THRB: variants seen among roughly 807,000 people sequenced by gnomAD.
THRB encodes the protein thyroid hormone receptor beta, also known as nuclear receptor subfamily 1 group A member 2.
A neutral mutation model predicts 47.8 loss-of-function variants in THRB; 12 were observed. The observed-to-expected ratio is 0.25, with a 90% CI of 0.16 to 0.41. THRB has a LOEUF of 0.41. Ranked by LOEUF, THRB falls within the 10% of genes least tolerant of loss-of-function variation. The probability of loss-of-function intolerance (pLI) is 1.00; values close to 1 mark genes in which losing one functional copy is unlikely to be tolerated. For synonymous variants in THRB, 218 were observed against 212.2 expected (o/e 1.03, Z -0.24); for missense variants, 348 against 589.2 (o/e 0.59, Z 4.24).
rs574814306 is a variant in THRB at position 24,295,307 on chromosome 3, C to T, written c.-43+1919G>A. On this transcript the variant is annotated intron_variant, in intron 3 of 10. Transcript: ENST00000646209. ...CACATGCATGTATACTTCGAAGATG[C>T]AAGAAGGTACATTTTTCTTTGGGGA... is the stretch of plus-strand genomic sequence containing the variant. 3.3e-5 allele frequency among the ~76,000 whole-genome samples: 5 copies of T among 152,294 alleles called. No individual in the cohort carries two copies. The East Asian group carries it at 9.6e-4, about 29-fold the overall frequency.
intron 1 of THRB, among the ~76,000 whole-genome samples, chr3:24,369,193 A>G (rs1212023266): frequency 1.3e-5 from 2 of 152,160 alleles, no homozygotes; most frequent in South Asian, 2.1e-4. Flanking sequence ...ATAAATGCCA[A>G]TGCTGGAAAG....
chr3:24,342,504 G>A (rs558431904), intron 1 of THRB, among the ~76,000 whole-genome samples: 1 of 152,284 alleles, frequency 6.6e-6, no homozygotes, highest in East Asian at 1.9e-4. Flanking sequence ...CACAACTGTT[G>A]TCAGAGATAC....
chr3:24,402,821 T>C (rs1053875973), intron 1 of THRB, among the ~76,000 whole-genome samples: 1 of 151,996 alleles, frequency 6.6e-6, no homozygotes, highest in Non-Finnish European at 1.5e-5. Context: ...TTTTATGAAG[T>C]ATTTGATACG....
intron 2 of THRB, among the ~76,000 whole-genome samples, chr3:24,319,827 G>A (rs1365633486): frequency 1.3e-5 from 2 of 152,206 alleles, no homozygotes; most frequent in Admixed American, 6.5e-5. Context: ...ACCCTTGCTT[G>A]TTCAGGGAAA....
intron 1 of THRB, among the ~76,000 whole-genome samples, chr3:24,480,542 T>A (rs1247983574): frequency 6.6e-6 from 1 of 152,152 alleles, no homozygotes; most frequent in East Asian, 1.9e-4. Context: ...GTCCCTAAAG[T>A]CAAACTTGTA....
intron 4 of THRB, among the ~76,000 whole-genome samples, chr3:24,194,628 A>G (rs568820525): frequency 6.6e-6 from 1 of 152,348 alleles, no homozygotes; most frequent in South Asian, 2.1e-4. Flanking sequence ...GATGACCATC[A>G]TTCTGATGGC....
intron 1 of THRB, among the ~76,000 whole-genome samples, chr3:24,390,800 AT>A (rs2066510485): frequency 4.3e-5 from 6 of 141,048 alleles, no homozygotes; most frequent in Non-Finnish European, 6.1e-5. Context: ...AAAAAAAAAT[AT>A]ATATATATAT....
intron 3 of THRB, among the ~76,000 whole-genome samples, chr3:24,281,701 A>G (rs2054628575): frequency 9.2e-6 from 1 of 108,756 alleles, no homozygotes; most frequent in Non-Finnish European, 2.1e-5. Context: ...TCTCACGTGC[A>G]GAGACACACA....
At position 24,122,842 on chromosome 3, in the gene THRB, C is replaced by A; in HGVS notation, c.*42G>T. 6.2e-7 allele frequency: 1 copy of A among 1,613,936 alleles called. No individual in the cohort carries two copies. The highest frequency in any genetic ancestry group is 8.5e-7 in the Non-Finnish European group (1 of 1,179,862). Reference sequence around the variant, plus strand: ...AGCTAGGCAATGGAATGAAATGACACCCAGTAGTGCTGTAGGAATTATGAG... The same window carrying A: ...AGCTAGGCAATGGAATGAAATGACAACCAGTAGTGCTGTAGGAATTATGAG... On this transcript the variant is annotated 3_prime_UTR_variant, in exon 11 of 11. Coordinates refer to ENST00000646209, the MANE Select transcript of THRB (RefSeq NM_001354712.2).
At chr3:24,225,471 G>C (rs974621389) in intron 4 of THRB, among the ~76,000 whole-genome samples, 1 of 152,176 alleles carries the variant, frequency 6.6e-6, no homozygotes, top group African/African-American at 2.4e-5. Context: ...TAAATTACTG[G>C]AGGCCCAGTT....
chr3:24,465,751 T>G (rs575595978), intron 1 of THRB, among the ~76,000 whole-genome samples: 1 of 152,300 alleles, frequency 6.6e-6, no homozygotes, highest in South Asian at 2.1e-4. Context: ...TGTATGCTAG[T>G]TGATTTCATC....
intron 3 of THRB, among the ~76,000 whole-genome samples, chr3:24,235,433 C>G (rs1354199871): frequency 6.6e-6 from 1 of 152,144 alleles, no homozygotes; most frequent in Non-Finnish European, 1.5e-5. Context: ...CATCATCAAC[C>G]TTTTGTGGCC....
In THRB at chr3:24,233,587, G is replaced by GAAAGAAAGAAAGAAAGAAAAAT. The variant is rs1559684116; in HGVS notation, c.-42-4587_-42-4586insATTTTTCTTTCTTTCTTTCTTT. 9.2e-4 allele frequency among the ~76,000 whole-genome samples: 103 copies of GAAAGAAAGAAAGAAAGAAAAAT among 112,128 alleles called. 1 individual carries two copies. Among genetic ancestry groups the GAAAGAAAGAAAGAAAGAAAAAT allele is most frequent in the African/African-American group, 2.9e-3 (94 of 32,792 alleles). 73.6% of individuals were successfully genotyped at this position (112,128 alleles called of 152,430 possible). A position where few individuals can be genotyped will look rare whatever the true frequency, so the allele number is the denominator to read the frequency against. ...AGAAAGAAAGAAAGAAAGAAAGAAA[G>GAAAGAAAGAAAGAAAGAAAAAT]AAAGAAAGAAAGAAAGAAAGAAAGA... is the stretch of plus-strand genomic sequence containing the variant. On this transcript the variant is annotated intron_variant, in intron 3 of 10. Transcript: ENST00000646209.
chr3:24,426,777 T>C (rs138055904), intron 1 of THRB, among the ~76,000 whole-genome samples: 1 of 151,938 alleles, frequency 6.6e-6, no homozygotes, highest in Admixed American at 6.6e-5. Context: ...ATTAAAAGAA[T>C]CTCTCAGCAT....
At chr3:24,261,050 T>C (rs2051916493) in intron 3 of THRB, among the ~76,000 whole-genome samples, 2 of 115,580 alleles carry the variant, frequency 1.7e-5, no homozygotes, top group Admixed American at 8.5e-5. Flanking sequence ...CCTGGTCCTA[T>C]CTAAGCTCAA....
chr3:24,246,745 G>C (rs2050146643), intron 3 of THRB, among the ~76,000 whole-genome samples: 1 of 152,084 alleles, frequency 6.6e-6, no homozygotes, highest in African/African-American at 2.4e-5. Context: ...CAAAATGATA[G>C]TTTTTATAGG....
intron 4 of THRB, among the ~76,000 whole-genome samples, chr3:24,197,981 A>G (rs1472859002): frequency 1.3e-5 from 2 of 152,208 alleles, no homozygotes; most frequent in Non-Finnish European, 2.9e-5. Flanking sequence ...CCTCTGAAAC[A>G]CTGACTTAAT....
intron 1 of THRB, among the ~76,000 whole-genome samples, chr3:24,397,640 G>T (rs188148284): frequency 1.4e-5 from 2 of 140,832 alleles, no homozygotes; most frequent in Admixed American, 1.5e-4. Flanking sequence ...TCACACTGTC[G>T]CCCAGGCTGG....
At position 24,286,845 on chromosome 3, in the gene THRB, T is replaced by C. The variant is rs151218460; in HGVS notation, c.-43+10381A>G. On this transcript the variant is annotated intron_variant, in intron 3 of 10. Transcript: ENST00000646209. ...AGCATGTGGCAATGAGAAGGGCATG[T>C]GCTACATTTTCTCACCGTTAGCCTG... is the stretch of plus-strand genomic sequence containing the variant. Among the ~76,000 whole-genome samples the C allele has an allele frequency of 2.6e-3, 394 of 152,340 alleles. 9 individuals carry two copies. Among genetic ancestry groups the C allele is most frequent in the East Asian group, 0.025 (129 of 5,188 alleles).
Sources: allele counts gnomAD v4.1 joint callset (sites outside exome capture counted in the v4.1 genomes callset), GRCh38; gene constraint gnomAD v4.1.1; transcripts MANE v1.5; gene names NCBI Gene and HGNC (gene_info 2026-07-23, HGNC 2026-07-21).